Variants in RTCA observed in about 807,000 individuals in gnomAD.
The protein encoded by RTCA is RNA 3'-terminal phosphate cyclase.
Under a neutral mutation model 46.1 loss-of-function variants are expected in RTCA, and 37 were observed. The observed-to-expected ratio is 0.80, with a 90% CI of 0.62 to 1.06. The LOEUF is 1.06. Among genes scored for constraint, RTCA ranks in the 50% least tolerant of loss-of-function variants. The pLI, the probability that RTCA is intolerant of heterozygous loss-of-function variation, is 0.00. For synonymous variants in RTCA, 164 were observed against 158.3 expected (o/e 1.04, Z -0.27); for missense variants, 435 against 455.5 (o/e 0.95, Z 0.41).
chr1:100,266,776 G>A, intron 2 of RTCA, 152 bp downstream of exon 2: 1 of 634,536 alleles, frequency 1.6e-6, no homozygotes, highest in Non-Finnish European at 2.7e-6. Flanking sequence ...TGCCTGGGCG[G>A]TGGCCTGGGT....
At chr1:100,269,629 G>T (rs545731077) in intron 3 of RTCA, among the ~76,000 whole-genome samples, 1 of 152,034 alleles carries the variant, frequency 6.6e-6, no homozygotes, top group South Asian at 2.1e-4. Flanking sequence ...CACCACGCCC[G>T]GCCAAGCTGT....
chr1:100,272,060 C>T (rs1050929072), intron 4 of RTCA, among the ~76,000 whole-genome samples: 21 of 152,182 alleles, frequency 1.4e-4, no homozygotes, highest in Admixed American at 1.3e-3. Context: ...GTTTGCATAT[C>T]CATTCATCTA....
chr1:100,276,082 GC>G (rs2100799001), intron 7 of RTCA, among the ~76,000 whole-genome samples: 1 of 152,076 alleles, frequency 6.6e-6, no homozygotes, highest in Admixed American at 6.5e-5. Flanking sequence ...TGATCCACCT[GC>G]CTTGGCCTCC....
intron 4 of RTCA, among the ~76,000 whole-genome samples, chr1:100,270,984 G>A (rs184895271): frequency 4.6e-5 from 7 of 151,640 alleles, no homozygotes; most frequent in Admixed American, 6.6e-5. Flanking sequence ...TTGTAGAGTC[G>A]ATGCCTCACT....
Position 100,270,588 on chromosome 1 carries a change from C to T in RTCA, c.322C>T (p.Pro108Ser), listed in dbSNP as rs755247218. ...SVCLLMQVSM[P>S]CVLFAASPSE... is the part of the protein sequence containing the mutation. ...GTGCCTCTTGATGCAGGTCTCAATG[C>T]CGTGTGTTCTCTTTGCTGCTTCTCC... The change falls in exon 4 of 11, where the codon CCG becomes TCG. Residue 108 changes from proline to serine, a missense_variant. By Grantham distance (74) the Pro-to-Ser change is moderately conservative (BLOSUM62 -1). Coordinates refer to ENST00000370128, the MANE Select transcript of RTCA (RefSeq NM_003729.4). The T allele has an allele frequency of 1.2e-6, 2 of 1,614,074 alleles. No homozygotes were observed. Among genetic ancestry groups the T allele is most frequent in the South Asian group, 2.2e-5 (2 of 91,080 alleles).
intron 2 of RTCA, 23 bp downstream of exon 2, chr1:100,266,647 T>C: frequency 6.3e-7 from 1 of 1,583,714 alleles, no homozygotes; most frequent in Non-Finnish European, 8.6e-7. Context: ...GGAGGGGGAG[T>C]TGGGCCGTGA....
At chr1:100,269,666 AATT>A (rs1420403480) in intron 3 of RTCA, among the ~76,000 whole-genome samples, 1 of 152,044 alleles carries the variant, frequency 6.6e-6, no homozygotes, top group Non-Finnish European at 1.5e-5. Context: ...TAAAATTAAT[AATT>A]ATTAAAATAT....
chr1:100,279,141 A>G (rs997078351), intron 8 of RTCA, among the ~76,000 whole-genome samples: 1 of 152,242 alleles, frequency 6.6e-6, no homozygotes, highest in Non-Finnish European at 1.5e-5. Flanking sequence ...GAGCAGACAT[A>G]TTACAAGTAA....
intron 7 of RTCA, among the ~76,000 whole-genome samples, chr1:100,276,932 G>A (rs1042401887): frequency 1.3e-5 from 2 of 152,152 alleles, no homozygotes; most frequent in African/African-American, 4.8e-5. Flanking sequence ...AGATAATTCT[G>A]AAACACTTTA....
At chr1:100,284,486 C>T (rs1464492431) in intron 8 of RTCA, among the ~76,000 whole-genome samples, 4 of 151,904 alleles carry the variant, frequency 2.6e-5, no homozygotes, top group South Asian at 4.1e-4. Context: ...CTCCACCTCC[C>T]AGGTTCAAGT....
At chr1:100,283,129 A>G (rs910361497) in intron 8 of RTCA, among the ~76,000 whole-genome samples, 13 of 148,544 alleles carry the variant, frequency 8.8e-5, no homozygotes, top group African/African-American at 3.2e-4. Context: ...TCGCATCCCC[A>G]AGCTATCTCA....
intron 8 of RTCA, among the ~76,000 whole-genome samples, chr1:100,278,024 G>A (rs1666495900): frequency 6.6e-6 from 1 of 152,172 alleles, no homozygotes; most frequent in African/African-American, 2.4e-5. Flanking sequence ...AGGTGATTTT[G>A]TGTACATTCC....
At chr1:100,266,817 T>G (rs1294432483) in intron 2 of RTCA, 193 bp downstream of exon 2, 1 of 571,852 alleles carries the variant, frequency 1.7e-6, no homozygotes, top group African/African-American at 1.9e-5. Flanking sequence ...GAGGGGTGAG[T>G]TTAGAAATGG....
intron 9 of RTCA, among the ~76,000 whole-genome samples, chr1:100,286,523 TACTG>T (rs1282554706): frequency 2.0e-5 from 3 of 150,444 alleles, no homozygotes; most frequent in African/African-American, 7.4e-5. Flanking sequence ...TGAGAAGTGA[TACTG>T]AATATTTCCA....
chr1:100,269,363 CTTTTTT>C (rs61660356), intron 3 of RTCA, among the ~76,000 whole-genome samples: 1 of 123,310 alleles, frequency 8.1e-6, no homozygotes, highest in Non-Finnish European at 1.7e-5. Flanking sequence ...AGCTATCAGT[CTTTTTT>C]TTTTTTTTTT....
chr1:100,267,548 C>T (rs2100786763), intron 2 of RTCA: 1 of 1,544,236 alleles, frequency 6.5e-7, no homozygotes, highest in Non-Finnish European at 8.8e-7. Flanking sequence ...GGTTGGTTTC[C>T]TCTGAGAGCC....
chr1:100,270,738 A>G, intron 4 of RTCA, 58 bp downstream of exon 4: 8 of 1,579,340 alleles, frequency 5.1e-6, no homozygotes, highest in South Asian at 1.2e-5. Flanking sequence ...CTGAGTCTCC[A>G]TTCTCTAAAT....
At chr1:100,270,811 C>CT in intron 4 of RTCA, 131 bp downstream of exon 4, 1 of 1,164,920 alleles carries the variant, frequency 8.6e-7, no homozygotes. Context: ...TTCTTTCTTT[C>CT]TTTCTTTTTT....
In RTCA at chr1:100,266,325, C is replaced by T; in HGVS notation, c.-51C>T. On this transcript the variant is annotated 5_prime_UTR_variant, in exon 1 of 11. Transcript: ENST00000370128. ...CGGGAGCCAACGTCTCTTCTTTCTCCCGCTCTGGCGGAGGCTTTGTCGCTG... is the reference window on the plus strand; with the variant it reads ...CGGGAGCCAACGTCTCTTCTTTCTCTCGCTCTGGCGGAGGCTTTGTCGCTG... 6.3e-7 allele frequency: 1 copy of T among 1,596,362 alleles called. No individual in the cohort carries two copies. Among genetic ancestry groups the T allele is most frequent in the Non-Finnish European group, 8.5e-7 (1 of 1,175,248 alleles).
Sources: gnomAD v4.1 joint callset for allele counts (sites outside exome capture counted in the v4.1 genomes callset) on GRCh38, gnomAD v4.1.1 for gene constraint, MANE v1.5 for transcripts, NCBI Gene and HGNC (gene_info 2026-07-23, HGNC 2026-07-21) for gene names.